BRINP3: variants seen among roughly 807,000 people sequenced by gnomAD.
BRINP3 encodes BMP/retinoic acid inducible neural specific 3, also known as BMP/retinoic acid-inducible neural-specific protein 3.
BRINP3 carries 19 observed loss-of-function variants against 71.0 expected under a neutral mutation model. The ratio of observed to expected loss-of-function variants is 0.27; its 90% CI spans 0.19 to 0.39. The LOEUF (loss-of-function observed/expected upper bound fraction) is 0.39, where lower values mean the gene tolerates loss of function less well. Ranked by LOEUF, BRINP3 falls within the 10% of genes least tolerant of loss-of-function variation. BRINP3 has a pLI of 1.00. For missense variants in BRINP3, 959 were observed against 940.8 expected (o/e 1.02, Z -0.25); for synonymous variants, 380 against 337.7 (o/e 1.13, Z -1.37).
intron 7 of BRINP3, among the ~76,000 whole-genome samples, chr1:190,136,199 T>C (rs1654965364): frequency 6.6e-6 from 1 of 152,128 alleles, no homozygotes; most frequent in African/African-American, 2.4e-5. Context: ...ATATAATATA[T>C]TGCTATCATT....
At chr1:190,266,463 G>A (rs993800681) in intron 3 of BRINP3, among the ~76,000 whole-genome samples, 3 of 152,090 alleles carry the variant, frequency 2.0e-5, no homozygotes, top group African/African-American at 7.2e-5. Flanking sequence ...TTAGAGGAAG[G>A]AGAATAGTTT....
At chr1:190,391,296 T>G (rs1472735541) in intron 2 of BRINP3, among the ~76,000 whole-genome samples, 1 of 151,802 alleles carries the variant, frequency 6.6e-6, no homozygotes, top group Non-Finnish European at 1.5e-5. Context: ...TTATGGAGAA[T>G]AAGCTTTTAG....
intron 2 of BRINP3, among the ~76,000 whole-genome samples, chr1:190,434,881 T>G (rs1421804757): frequency 6.6e-6 from 1 of 152,160 alleles, no homozygotes; most frequent in East Asian, 1.9e-4. Flanking sequence ...CTATACTAAC[T>G]AATGCCTTTG....
intron 2 of BRINP3, among the ~76,000 whole-genome samples, chr1:190,382,812 A>G (rs1670633588): frequency 6.6e-6 from 1 of 152,140 alleles, no homozygotes; most frequent in African/African-American, 2.4e-5. Flanking sequence ...ATAAGATCCA[A>G]GTGAATGTGC....
intron 7 of BRINP3, among the ~76,000 whole-genome samples, chr1:190,149,904 A>G (rs949334226): frequency 3.3e-5 from 5 of 152,066 alleles, no homozygotes; most frequent in African/African-American, 4.8e-5. Context: ...TGTCACATCA[A>G]TGTTCTTTTG....
chr1:190,411,125 G>A (rs1207805311), intron 2 of BRINP3, among the ~76,000 whole-genome samples: 1 of 152,008 alleles, frequency 6.6e-6, no homozygotes, highest in Non-Finnish European at 1.5e-5. Context: ...AGAAACACAG[G>A]AAATAGAGTC....
chr1:190,424,089 A>C (rs1012489092), intron 2 of BRINP3, among the ~76,000 whole-genome samples: 4 of 151,612 alleles, frequency 2.6e-5, no homozygotes, highest in Admixed American at 6.6e-5. Context: ...ATATATAGTC[A>C]AAAATATATA....
chr1:190,368,082 A>G (rs1330061765), intron 2 of BRINP3, among the ~76,000 whole-genome samples: 3 of 152,104 alleles, frequency 2.0e-5, no homozygotes, highest in African/African-American at 7.2e-5. Context: ...GATGTACTGT[A>G]TTTGTCCATT....
intron 6 of BRINP3, among the ~76,000 whole-genome samples, chr1:190,200,874 G>C (rs1260805023): frequency 6.6e-6 from 1 of 152,060 alleles, no homozygotes; most frequent in African/African-American, 2.4e-5. Context: ...CCCAACCCAG[G>C]TGGACTTATA....
intron 2 of BRINP3, among the ~76,000 whole-genome samples, chr1:190,427,166 A>C (rs1673766465): frequency 6.6e-6 from 1 of 151,936 alleles, no homozygotes; most frequent in African/African-American, 2.4e-5. Flanking sequence ...GGGTATGAAA[A>C]ACTAGACATA....
chr1:190,110,335 G>GA (rs572654726), intron 7 of BRINP3, among the ~76,000 whole-genome samples: 3 of 151,676 alleles, frequency 2.0e-5, no homozygotes, highest in Admixed American at 6.6e-5. Flanking sequence ...AAAATATTGT[G>GA]AAAAAAAATT....
At chr1:190,113,747 A>G (rs191804287) in intron 7 of BRINP3, among the ~76,000 whole-genome samples, 148 of 152,322 alleles carry the variant, frequency 9.7e-4, no homozygotes, top group African/African-American at 3.4e-3. Context: ...TTTCTAGTAT[A>G]TTGCAAACAT....
chr1:190,402,352 A>G (rs891873033), intron 2 of BRINP3, among the ~76,000 whole-genome samples: 3 of 152,166 alleles, frequency 2.0e-5, no homozygotes, highest in African/African-American at 7.2e-5. Flanking sequence ...TCATATATGA[A>G]CATTAAAATA....
At chr1:190,392,058 C>A (rs1199796319) in intron 2 of BRINP3, among the ~76,000 whole-genome samples, 3 of 149,758 alleles carry the variant, frequency 2.0e-5, no homozygotes, top group East Asian at 2.0e-4. Flanking sequence ...TTAGCTTGGC[C>A]AAAAAAAAAA....
chr1:190,477,676 G>C lies in BRINP3; in HGVS notation c.-279C>G, dbSNP rs12732361. On this transcript the variant is annotated 5_prime_UTR_variant, in exon 1 of 8. Coordinates refer to ENST00000367462, the MANE Select transcript of BRINP3 (RefSeq NM_199051.3). ...ATGTGAAAATGCTTTATATGGGGGG[G>C]TGGGGAATGGTGGGGGGTGATTCGT... 28,743 of 151,200 alleles carry C rather than the reference G, an allele frequency of 0.19. 2,816 individuals carry two copies. Among genetic ancestry groups the C allele is most frequent in the South Asian group, 0.22 (1,067 of 4,758 alleles). The allele number at this position is 151,200 out of a possible 1,614,324, so 9.4% of individuals were successfully genotyped here. A position where few individuals can be genotyped will look rare whatever the true frequency, so the allele number is the denominator to read the frequency against.
intron 2 of BRINP3, among the ~76,000 whole-genome samples, chr1:190,337,865 TTTA>T (rs1194253985): frequency 6.6e-5 from 10 of 151,686 alleles, no homozygotes; most frequent in Non-Finnish European, 1.5e-4. Flanking sequence ...ATGCTTGGGT[TTTA>T]TTGTTGTTGT....
At chr1:190,428,095 C>T (rs1673842366) in intron 2 of BRINP3, among the ~76,000 whole-genome samples, 1 of 151,570 alleles carries the variant, frequency 6.6e-6, no homozygotes, top group African/African-American at 2.4e-5. Flanking sequence ...TAAGACAAGG[C>T]AAATATTTTT....
intron 1 of BRINP3, among the ~76,000 whole-genome samples, chr1:190,463,823 A>G (rs1676556003): frequency 6.6e-6 from 1 of 151,884 alleles, no homozygotes; most frequent in Admixed American, 6.6e-5. Context: ...TTTTTATTTA[A>G]AGGTAATGAA....
rs151262279 is a variant in BRINP3, at chr1:190,149,587, C to T, written c.1184+11081G>A. Among the ~76,000 whole-genome samples the T allele has an allele frequency of 2.8e-4, 42 of 150,586 alleles. 1 individual carries two copies. In the East Asian group the frequency reaches 7.2e-3, roughly 26 times the overall value. On this transcript the variant is annotated intron_variant, in intron 7 of 7. Coordinates refer to ENST00000367462, the MANE Select transcript of BRINP3 (RefSeq NM_199051.3). The stretch of plus-strand genomic sequence containing the variant: ...ACGTTTTTGTATACACGTCTCAGTG[C>T]GTGCGTGTTAGTGTGCACTTAGGAT...
Sources: gnomAD v4.1 joint callset for allele counts (sites outside exome capture counted in the v4.1 genomes callset) on GRCh38, gnomAD v4.1.1 for gene constraint, MANE v1.5 for transcripts, NCBI Gene and HGNC (gene_info 2026-07-23, HGNC 2026-07-21) for gene names.